The following RAPGEF3 variants were observed in gnomAD, a reference collection of about 807,000 sequenced individuals.
RAPGEF3 encodes the protein Rap guanine nucleotide exchange factor 3, also known as 9330170P05Rik.
A neutral mutation model predicts 129.8 loss-of-function variants in RAPGEF3; 103 were observed. The observed-to-expected ratio is 0.79, with a 90% CI of 0.68 to 0.93. The LOEUF (loss-of-function observed/expected upper bound fraction) is 0.93. RAPGEF3 is among the 40% of genes least tolerant of loss of function. The probability of loss-of-function intolerance (pLI) is 0.00; values close to 1 mark genes in which losing one functional copy is unlikely to be tolerated. For missense variants in RAPGEF3, 1,117 were observed against 1,207.4 expected (o/e 0.93, Z 1.11); for synonymous variants, 436 against 482.6 (o/e 0.90, Z 1.26).
Position 47,748,909 on chromosome 12 carries a change from C to G in RAPGEF3, c.1064G>C (p.Arg355Pro), listed in dbSNP as rs564238938. ...IIKDVEAKTM[R>P]LEEHGKVVLV... ...CACCACTTTGCCATGTTCTTCCAGC[C>G]GCATGGTCTTTGCCTCCACATCCTG... The change falls in exon 11 of 28, where the codon CGG (arginine) becomes CCG (proline). Residue 355 changes from arginine to proline, a missense_variant. By Grantham distance (103) the Arg-to-Pro change is moderately radical. Transcript: ENST00000449771. 1.2e-6 allele frequency: 2 copies of G among 1,614,044 alleles called. No individual in the cohort carries two copies. The highest frequency in any genetic ancestry group is 2.7e-5 in the African/African-American group (2 of 75,024).
At position 47,739,219 on chromosome 12, in the gene RAPGEF3, C is replaced by T. The variant is rs1279150966; in HGVS notation, c.2385G>A (p.Trp795Ter). The T allele has an allele frequency of 1.9e-6, 3 of 1,611,294 alleles. No individual in the cohort carries two copies. ...SALERLLDPS[W>*]NHRVYRLALA... Reference sequence around the variant, plus strand: ...GGGCCAGTCGGTATACCCGGTGGTTCCATGAGGGATCCTAGGGGAAGAAGC... The same window carrying T: ...GGGCCAGTCGGTATACCCGGTGGTTTCATGAGGGATCCTAGGGGAAGAAGC... Residue 795 changes from tryptophan to a stop codon, truncating the protein, a stop_gained, in exon 24 of 28, where the codon TGG becomes TGA. Transcript: ENST00000449771. LOFTEE classifies it high-confidence loss of function.
In RAPGEF3 at chr12:47,740,158, C is replaced by T. The variant is rs760766068; in HGVS notation, c.2356G>A (p.Ala786Thr). Residue 786 changes from alanine to threonine, a missense_variant, in exon 23 of 28, where the codon GCC becomes ACC. Physicochemically the swap from Ala to Thr is moderately conservative, Grantham distance 58. This residue lies in a region of RAPGEF3 where 643 missense variants were observed against 673.4 expected (regional missense o/e 0.95). Coordinates refer to ENST00000449771, the MANE Select transcript of RAPGEF3 (RefSeq NM_001098531.4). ...LPHKVRKLYS[A>T]LERLLDPSWN... ...GCACTCACCAGCAGCCTCTCGAGGG[C>T]GGAGTACAGCTTCCGGACTTTGTGA... 8.1e-6 allele frequency: 13 copies of T among 1,613,194 alleles called. No homozygotes were observed. Among genetic ancestry groups the T allele is most frequent in the East Asian group, 2.2e-5 (1 of 44,868 alleles).
At chr12:47,745,694 A>G (rs1403144169) in intron 16 of RAPGEF3, 1 of 152,020 alleles carries the variant, frequency 6.6e-6, no homozygotes, top group African/African-American at 2.4e-5. Context: ...TCCAGTGCAC[A>G]TTCAGGGAAA....
Position 47,758,587 on chromosome 12 carries a change from G to A in RAPGEF3, c.-31C>T. On this transcript the variant is annotated 5_prime_UTR_variant, in exon 1 of 28. Coordinates refer to ENST00000449771, the MANE Select transcript of RAPGEF3 (RefSeq NM_001098531.4). Reference sequence around the variant, plus strand: ...TTTTCAAGCTCGCACAGCCGTGCAGGCTCTAGCAAAAGGCTGGGGGGTCCC... The same window carrying A: ...TTTTCAAGCTCGCACAGCCGTGCAGACTCTAGCAAAAGGCTGGGGGGTCCC... The A allele has an allele frequency of 1.2e-6, 2 of 1,613,524 alleles. No homozygotes were observed. Among genetic ancestry groups the A allele is most frequent in the Non-Finnish European group, 1.7e-6 (2 of 1,179,676 alleles).
intron 16 of RAPGEF3, chr12:47,746,489 C>T (rs1307876893): frequency 6.9e-6 from 4 of 582,528 alleles, no homozygotes; most frequent in East Asian, 3.2e-5. Flanking sequence ...GGAGGGGCCT[C>T]GCCTTCCTCT....
At chr12:47,748,000 T>A in intron 13 of RAPGEF3, 74 bp downstream of exon 13, 1 of 1,553,866 alleles carries the variant, frequency 6.4e-7, no homozygotes, top group Non-Finnish European at 8.8e-7. Context: ...ACAGCCACGC[T>A]GGTGAGATTT....
chr12:47,751,892 G>C (rs1468350249), intron 3 of RAPGEF3, 24 bp downstream of exon 3: 2 of 1,614,104 alleles, frequency 1.2e-6, no homozygotes, highest in East Asian at 2.2e-5. Context: ...GCCTGTCCCA[G>C]CTCCACCCTG....
At chr12:47,746,781 GC>G (rs36014314) in intron 16 of RAPGEF3, 78 bp downstream of exon 16, 1 of 1,423,560 alleles carries the variant, frequency 7.0e-7, no homozygotes, top group South Asian at 1.2e-5. Flanking sequence ...CGCCCACAGA[GC>G]CCCTCAGGGT....
Position 47,750,367 on chromosome 12 carries a change from T to C in RAPGEF3, c.730A>G (p.Lys244Glu). The C allele has an allele frequency of 6.2e-7, 1 of 1,613,926 alleles. No individual in the cohort carries two copies. Among genetic ancestry groups the C allele is most frequent in the Non-Finnish European group, 8.5e-7 (1 of 1,179,890 alleles). Reference sequence around the variant, plus strand: ...GAGTTGGAGAGGTGGGCCACAGCCTTGATGTGCAGCAGCTCCTCAAAGATG... The same window carrying C: ...GAGTTGGAGAGGTGGGCCACAGCCTCGATGTGCAGCAGCTCCTCAAAGATG... The part of the protein sequence containing the change: ...DLIFEELLHI[K>E]AVAHLSNSVK... Residue 244 changes from lysine to glutamate, a missense_variant, in exon 7 of 28, where the codon AAG (lysine) becomes GAG (glutamate). Physicochemically the swap from Lys to Glu is moderately conservative, Grantham distance 56. Transcript: ENST00000449771.
At chr12:47,748,964 A>C in intron 10 of RAPGEF3, 33 bp from the exon 11 acceptor site, 11 of 1,524,172 alleles carry the variant, frequency 7.2e-6, no homozygotes, top group Non-Finnish European at 1.0e-5. Flanking sequence ...TGCTCAACTC[A>C]TGATGTTCCA....
intron 16 of RAPGEF3, chr12:47,746,555 G>C: frequency 4.5e-6 from 3 of 668,672 alleles, no homozygotes; most frequent in Non-Finnish European, 8.1e-6. Context: ...GCCAACTCCA[G>C]CCACCATTCC....
Position 47,740,959 on chromosome 12 carries a change from G to T in RAPGEF3, c.2005C>A (p.Gln669Lys). 1 of 1,613,890 alleles carries T rather than the reference G, an allele frequency of 6.2e-7. No individual in the cohort carries two copies. Among genetic ancestry groups the T allele is most frequent in the Non-Finnish European group, 8.5e-7 (1 of 1,179,974 alleles). Reference sequence around the variant, plus strand: ...AGGCTCCAGTCGTGGTCCGTCAGCTGGCCTGCCAGGTCCTTGGCACTCACC... The same window carrying T: ...AGGCTCCAGTCGTGGTCCGTCAGCTTGCCTGCCAGGTCCTTGGCACTCACC... ...DLVSAKDLAG[Q>K]LTDHDWSLFN... The change falls in exon 20 of 28, where the codon CAG becomes AAG. Residue 669 changes from glutamine to lysine, a missense_variant. Around this residue, in one of 3 missense-constraint regions of RAPGEF3, gnomAD observed 643 missense variants for 673.4 expected, o/e 0.95. Transcript: ENST00000449771.
chr12:47,740,282 G>A, intron 22 of RAPGEF3, 23 bp downstream of exon 22: 1 of 1,613,398 alleles, frequency 6.2e-7, no homozygotes. Context: ...ACCTCAGGAG[G>A]GGGCCCTCCA....
intron 2 of RAPGEF3, chr12:47,752,539 G>A: frequency 6.3e-6 from 1 of 157,730 alleles, no homozygotes; most frequent in Non-Finnish European, 1.4e-5. Context: ...TAAAATCTCT[G>A]CTTCCCCACT....
intron 18 of RAPGEF3, 114 bp downstream of exon 18, chr12:47,743,416 C>T (rs2136755920): frequency 7.4e-7 from 1 of 1,358,294 alleles, no homozygotes; most frequent in East Asian, 2.4e-5. Flanking sequence ...AGCCATCATT[C>T]ACACTGAGGA....
rs1940779586 is a variant in RAPGEF3 at position 47,735,754 on chromosome 12, A to T, written c.*1813T>A. 1 of 152,454 alleles carries T rather than the reference A, an allele frequency of 6.6e-6. No individual in the cohort carries two copies. The highest frequency in any genetic ancestry group is 1.5e-5 in the Non-Finnish European group (1 of 68,236). 9.4% of individuals were successfully genotyped at this position (152,454 alleles called of 1,614,324 possible). A position where few individuals can be genotyped will look rare whatever the true frequency, so the allele number is the denominator to read the frequency against. On this transcript the variant is annotated 3_prime_UTR_variant, in exon 28 of 28. Transcript: ENST00000449771. ...TGTGTCGCTGGGCTGGGCTCACCCTAGAGTCTGAAGAACGGTGAAGGGCCA... is the reference window on the plus strand; with the variant it reads ...TGTGTCGCTGGGCTGGGCTCACCCTTGAGTCTGAAGAACGGTGAAGGGCCA...
chr12:47,757,095 AC>A (rs1942116540), intron 2 of RAPGEF3, among the ~76,000 whole-genome samples: 1 of 152,210 alleles, frequency 6.6e-6, no homozygotes, highest in Non-Finnish European at 1.5e-5. Flanking sequence ...GGAGTTCAAG[AC>A]CTACCTAGGC....
Position 47,740,361 on chromosome 12 carries a change from C to T in RAPGEF3, c.2266G>A (p.Ala756Thr), listed in dbSNP as rs1555188149. 2.5e-6 allele frequency: 4 copies of T among 1,613,922 alleles called. No homozygotes were observed. Among genetic ancestry groups the T allele is most frequent in the Non-Finnish European group, 3.4e-6 (4 of 1,180,022 alleles). Residue 756 changes from alanine (A) to threonine (T), a missense_variant, in exon 22 of 28, where the codon GCC (alanine) becomes ACC (threonine). Physicochemically the swap from Ala to Thr is moderately conservative, Grantham distance 58. This residue lies in a region of RAPGEF3 where 643 missense variants were observed against 673.4 expected (regional missense o/e 0.95). Transcript: ENST00000449771. Reference sequence around the variant, plus strand: ...GAGTTGCTGAGGCCAAACATGACGGCAAAGAAGGAATTGAGATTCTTCTGC... The same window carrying T: ...GAGTTGCTGAGGCCAAACATGACGGTAAAGAAGGAATTGAGATTCTTCTGC... ...KEQKNLNSFF[A>T]VMFGLSNSAI...
rs1485031736 is a variant in RAPGEF3 at position 47,751,715 on chromosome 12, C to T, written c.380+8G>A. The T allele has an allele frequency of 4.3e-6, 7 of 1,611,946 alleles. No homozygotes were observed. The Admixed American group carries it at 1.2e-4, about 27-fold the overall frequency. ...GCTGGGCAAGGAGGCAGCAGGGCCT[C>T]CACTCACCGATAGAGCCTAAGGTGG... On this transcript the variant is annotated splice_region_variant and intron_variant, in intron 4 of 27. Transcript: ENST00000449771.
Sources: gnomAD v4.1 joint callset for allele counts (sites outside exome capture counted in the v4.1 genomes callset) on GRCh38, gnomAD v4.1.1 for gene constraint, gnomAD v4.1.1 regional missense constraint, MANE v1.5 for transcripts, NCBI Gene and HGNC (gene_info 2026-07-23, HGNC 2026-07-21) for gene names.